SQSTM1: variants seen among roughly 807,000 people sequenced by gnomAD.
SQSTM1 encodes sequestosome 1.
In SQSTM1, 36 loss-of-function variants were observed where a neutral mutation model predicts 45.1. The observed-to-expected ratio is 0.80, with a 90% confidence interval of 0.61 to 1.05. SQSTM1 has a LOEUF of 1.05. SQSTM1 is among the 50% of genes least tolerant of loss of function. The probability of loss-of-function intolerance (pLI) is 0.00; values close to 1 mark genes in which losing one functional copy is unlikely to be tolerated. For missense variants in SQSTM1, 617 were observed against 607.1 expected, an observed-to-expected ratio of 1.02 and a Z score of -0.17; for synonymous variants, 290 against 244.3, an observed-to-expected ratio of 1.19 and a Z score of -1.74.
rs779297930 is a variant in SQSTM1 at position 179,806,506 on chromosome 5, C to G, written c.-242C>G. The G allele has an allele frequency of 2.2e-5, 29 of 1,324,542 alleles. No homozygotes were observed. In the South Asian group the frequency reaches 2.2e-4, roughly 10 times the overall value. 82.0% of individuals were successfully genotyped at this position (1,324,542 alleles called of 1,614,324 possible). ...GCTCACCTTTCTGGCCGCTGAGTGC[C>G]GCGTACCAGGACAGCGAGAGGAAGG... On this transcript the variant is annotated 5_prime_UTR_variant, in exon 1 of 6. Transcript: ENST00000514093. The surrounding 1 kb of genome is among the most constrained non-coding windows in gnomAD (Gnocchi z 4.6).
upstream of SQSTM1, among the ~76,000 whole-genome samples, chr5:179,819,936 C>T (rs1177703451): frequency 1.3e-5 from 2 of 152,214 alleles, no homozygotes; most frequent in South Asian, 4.1e-4. Flanking sequence ...CTCCTGCAAG[C>T]CCTGGGCTGA....
intron 1 of SQSTM1, chr5:179,821,796 C>T (rs978670680): frequency 1.6e-5 from 5 of 309,908 alleles, no homozygotes; most frequent in African/African-American, 9.4e-5. Flanking sequence ...TTTCCTGCTG[C>T]GCTGGTGTGA....
intron 1 of SQSTM1, among the ~76,000 whole-genome samples, chr5:179,808,739 G>A (rs996466775): frequency 6.6e-6 from 1 of 152,184 alleles, no homozygotes; most frequent in East Asian, 1.9e-4. Context: ...GATCATTTGA[G>A]CTCATCAGTT....
rs1230071230 is a variant in SQSTM1 at position 179,820,914 on chromosome 5, T to C, written c.-23T>C. On this transcript the variant is annotated 5_prime_UTR_variant, in exon 1 of 8. Transcript: ENST00000389805. ...GGCGGCTGCGACCGGGACGGCCCGT[T>C]TTCCGCCAGCTCGCCGCTCGCTATG... 1 of 1,517,054 alleles carries C rather than the reference T, an allele frequency of 6.6e-7. No homozygotes were observed. Among genetic ancestry groups the C allele is most frequent in the Non-Finnish European group, 8.8e-7 (1 of 1,133,106 alleles). 94.0% of individuals were successfully genotyped at this position (1,517,054 alleles called of 1,614,324 possible). A position where few individuals can be genotyped will look rare whatever the true frequency, so the allele number is the denominator to read the frequency against.
intron 5 of SQSTM1, among the ~76,000 whole-genome samples, chr5:179,831,909 G>A (rs1315215391): frequency 5.3e-5 from 8 of 151,500 alleles, no homozygotes; most frequent in African/African-American, 1.2e-4. Context: ...TCGGCCTCCC[G>A]AGTAACTGAG....
chr5:179,815,112 C>T (rs1009391737), upstream of SQSTM1, among the ~76,000 whole-genome samples: 7 of 151,796 alleles, frequency 4.6e-5, no homozygotes, highest in Admixed American at 6.6e-5. Context: ...GTGACCATCA[C>T]TGCCATCAGG....
At chr5:179,816,792 GC>G (rs928027724), upstream of SQSTM1, among the ~76,000 whole-genome samples, 1 of 151,880 alleles carries the variant, frequency 6.6e-6, no homozygotes, top group African/African-American at 2.4e-5. Flanking sequence ...CCTTGTCGCC[GC>G]CCCCCCGTCT....
At chr5:179,822,728 C>T (rs891707910) in intron 1 of SQSTM1, 2 of 594,758 alleles carry the variant, frequency 3.4e-6, no homozygotes, top group South Asian at 3.4e-5. Context: ...AGGCCCTCCG[C>T]CCCCTGCATG....
Position 179,806,684 on chromosome 5 carries a change from G to A in SQSTM1, c.-157+93G>A. 4.9e-6 allele frequency: 2 copies of A among 407,188 alleles called. No homozygotes were observed. Among genetic ancestry groups the A allele is most frequent in the Non-Finnish European group, 6.5e-6 (2 of 305,352 alleles). 25.2% of individuals were successfully genotyped at this position (407,188 alleles called of 1,614,324 possible). On this transcript the variant is annotated intron_variant, in intron 1 of 5. Transcript: ENST00000514093. The surrounding 1 kb of genome is among the most constrained non-coding windows in gnomAD (Gnocchi z 4.6). ...CGGAAGGCGGCGGCGGCGGCGGCAGGGGCCCCGGCCCCGGGTCGGGGAGGG... is the reference window on the plus strand; with the variant it reads ...CGGAAGGCGGCGGCGGCGGCGGCAGAGGCCCCGGCCCCGGGTCGGGGAGGG...
At chr5:179,836,341 C>A (rs1758552703) in intron 7 of SQSTM1, 95 bp from the exon 8 acceptor site, 4 of 1,563,466 alleles carry the variant, frequency 2.6e-6, no homozygotes, top group South Asian at 2.2e-5. Flanking sequence ...CACTGGCAGA[C>A]CCTGGTCCTG....
intron 1 of SQSTM1, 96 bp downstream of exon 1, chr5:179,821,237 C>T (rs898032145): frequency 4.2e-6 from 5 of 1,201,716 alleles, no homozygotes; most frequent in East Asian, 3.3e-5. Context: ...CGACGCCTGG[C>T]GGGCCGTGAG....
chr5:179,823,178 A>G, intron 2 of SQSTM1, 125 bp downstream of exon 2: 3 of 914,616 alleles, frequency 3.3e-6, no homozygotes, highest in South Asian at 1.4e-5. Flanking sequence ...TGTTTAAGAC[A>G]GAGACATAGG....
rs569301756 is a variant in SQSTM1, at chr5:179,826,246, C to T, written c.754+1020C>T. Among the ~76,000 whole-genome samples, 12 of 151,852 alleles carry T rather than the reference C, an allele frequency of 7.9e-5. No individual in the cohort carries two copies. In the East Asian group the frequency reaches 2.3e-3, roughly 29 times the overall value. ...GTGGTGCCATCTCTGCTCACTGCAACCTCCCCCTCCTGGGTTCAAGTGATT... is the reference window on the plus strand; with the variant it reads ...GTGGTGCCATCTCTGCTCACTGCAATCTCCCCCTCCTGGGTTCAAGTGATT... On this transcript the variant is annotated intron_variant, in intron 5 of 7. Transcript: ENST00000389805.
rs1758675889 is a variant in SQSTM1 at position 179,837,832 on chromosome 5, C to T, written c.*1239C>T. 3.7e-6 allele frequency: 6 copies of T among 1,612,768 alleles called. No homozygotes were observed. The highest frequency in any genetic ancestry group is 5.1e-6 in the Non-Finnish European group (6 of 1,180,026). On this transcript the variant is annotated 3_prime_UTR_variant, in exon 8 of 8. Transcript: ENST00000389805. ...CGGCACTGCAGTCTGCAGAGTTCTC[C>T]TGGAGGCAGGGGCTGCTGCCTTGTT...
chr5:179,814,727 G>A (rs1757529772), upstream of SQSTM1, among the ~76,000 whole-genome samples: 1 of 152,206 alleles, frequency 6.6e-6, no homozygotes, highest in Non-Finnish European at 1.5e-5. Context: ...TTAATCACAT[G>A]GTCTCACCTC....
At chr5:179,828,435 G>C (rs913143819) in intron 5 of SQSTM1, among the ~76,000 whole-genome samples, 1 of 132,910 alleles carries the variant, frequency 7.5e-6, no homozygotes, top group Non-Finnish European at 1.5e-5. Flanking sequence ...GTGCAATGGT[G>C]TGATCTTGGC....
chr5:179,825,586 T>A (rs1437555750), intron 5 of SQSTM1, among the ~76,000 whole-genome samples: 1 of 152,246 alleles, frequency 6.6e-6, no homozygotes, highest in Non-Finnish European at 1.5e-5. Context: ...GGATTTGGAC[T>A]TTTGAGGACC....
Position 179,837,981 on chromosome 5 carries a change from TTC to T in SQSTM1, c.*1390_*1391del, listed in dbSNP as rs1190634600. The T allele has an allele frequency of 2.7e-6, 3 of 1,127,974 alleles. No homozygotes were observed. The highest frequency in any genetic ancestry group is 3.1e-5 in the African/African-American group (2 of 64,418). The allele number at this position is 1,127,974 out of a possible 1,614,324, so 69.9% of individuals were successfully genotyped here. A position where few individuals can be genotyped will look rare whatever the true frequency, so the allele number is the denominator to read the frequency against. ...GCCTGGGCCTTGGCTGGGCCTCTGG[TTC>T]TGACACTTTCTGCTGGAAGCTGTCA... On this transcript the variant is annotated 3_prime_UTR_variant, in exon 8 of 8. Coordinates refer to ENST00000389805, the MANE Select transcript of SQSTM1 (RefSeq NM_003900.5).
chr5:179,837,369 T>C lies in SQSTM1; in HGVS notation c.*776T>C, dbSNP rs748378859. 1 of 1,581,686 alleles carries C rather than the reference T, an allele frequency of 6.3e-7. No homozygotes were observed. Among genetic ancestry groups the C allele is most frequent in the South Asian group, 1.2e-5 (1 of 86,236 alleles). ...GTCCCTCCTAACAAGTGTATCTCGA[T>C]TAATAACCTGCCAGTCCCAGATCAC... On this transcript the variant is annotated 3_prime_UTR_variant, in exon 8 of 8. Coordinates refer to ENST00000389805, the MANE Select transcript of SQSTM1 (RefSeq NM_003900.5).
Sources: allele counts gnomAD v4.1 joint callset (sites outside exome capture counted in the v4.1 genomes callset), GRCh38; gene constraint gnomAD v4.1.1; non-coding constraint Gnocchi (gnomAD v3.1); transcripts MANE v1.5; gene names NCBI Gene and HGNC (gene_info 2026-07-23, HGNC 2026-07-21).